NPFFR2: variants seen among roughly 807,000 people sequenced by gnomAD.
NPFFR2 encodes neuropeptide FF receptor 2.
Under a neutral mutation model 13.1 loss-of-function variants are expected in NPFFR2, and 15 were observed. That is an observed-to-expected ratio of 1.15 (90% CI 0.77 to 1.76). NPFFR2 has a LOEUF of 1.76. Among genes scored for constraint, NPFFR2 ranks in the 40% most tolerant of loss-of-function variants. The probability of loss-of-function intolerance (pLI) is 0.00; values close to 1 mark genes in which losing one functional copy is unlikely to be tolerated. For missense variants in NPFFR2, 572 were observed against 503.5 expected (o/e 1.14, Z -1.30); for synonymous variants, 190 against 175.7 (o/e 1.08, Z -0.65).
At chr4:72,045,871 A>G (rs888793363) in intron 1 of NPFFR2, among the ~76,000 whole-genome samples, 1 of 152,170 alleles carries the variant, frequency 6.6e-6, no homozygotes, top group Non-Finnish European at 1.5e-5. Context: ...AACTGTGTGT[A>G]TTGATGGTGC....
intron 1 of NPFFR2, among the ~76,000 whole-genome samples, chr4:72,067,940 A>G (rs143125105): frequency 1.6e-4 from 24 of 152,318 alleles, no homozygotes; most frequent in Admixed American, 3.3e-4. Flanking sequence ...GGGAAGAATG[A>G]ACCTTTCCCT....
intron 1 of NPFFR2, among the ~76,000 whole-genome samples, chr4:72,060,062 A>G (rs1445278043): frequency 6.6e-6 from 1 of 152,088 alleles, no homozygotes; most frequent in East Asian, 1.9e-4. Context: ...TATTAAAGAG[A>G]TTTTATGTCT....
At chr4:72,127,572 C>T in intron 1 of NPFFR2, among the ~76,000 whole-genome samples, 2 of 148,136 alleles carry the variant, frequency 1.4e-5, no homozygotes, top group African/African-American at 5.0e-5. Flanking sequence ...ACCGTGTTAG[C>T]CAGGATGGTC....
Position 72,038,901 on chromosome 4 carries a change from C to CTTTTTTTTTTTTTTTTTTT in NPFFR2, c.-8+6704_-8+6705insTTTTTTTTTTTTTTTTTTT, listed in dbSNP as rs34623356. Among the ~76,000 whole-genome samples the CTTTTTTTTTTTTTTTTTTT allele has an allele frequency of 8.1e-5, 7 of 86,916 alleles. 2 individuals carry two copies. The highest frequency in any genetic ancestry group is 1.7e-4 in the Admixed American group (1 of 5,828). The allele number at this position is 86,916 out of a possible 152,430, so 57.0% of individuals were successfully genotyped here. On this transcript the variant is annotated intron_variant, in intron 1 of 3. Transcript: ENST00000308744. ...TTTTAATTCTTGATTTTTAAATTTC[C>CTTTTTTTTTTTTTTTTTTT]TTTCTTTTTTTTTTTTTTTTTTTTT...
intron 1 of NPFFR2, among the ~76,000 whole-genome samples, chr4:72,060,365 C>T (rs1719886222): frequency 6.6e-6 from 1 of 152,028 alleles, no homozygotes; most frequent in South Asian, 2.1e-4. Flanking sequence ...CTTTCAATGA[C>T]ACCATCTCCA....
chr4:72,123,997 T>G (rs1375024552), intron 1 of NPFFR2, among the ~76,000 whole-genome samples: 1 of 152,314 alleles, frequency 6.6e-6, no homozygotes, highest in African/African-American at 2.4e-5. Context: ...GATGATATGA[T>G]TGTATATTTA....
At chr4:72,034,881 A>G (rs1235378847) in intron 1 of NPFFR2, among the ~76,000 whole-genome samples, 2 of 152,330 alleles carry the variant, frequency 1.3e-5, no homozygotes, top group East Asian at 3.9e-4. Flanking sequence ...GCTGTTTAGA[A>G]TGGGTCTTGT....
rs149824048 is a variant in NPFFR2 at position 72,110,685 on chromosome 4, A to C, written c.-7-17900A>C. On this transcript the variant is annotated intron_variant, in intron 1 of 3. Coordinates refer to ENST00000308744, the MANE Select transcript of NPFFR2 (RefSeq NM_004885.3). ...TTTATTAGGAATAGCTATTTTGCCTAACATTTGTTCTCAAAAAATAAGAGG... is the reference window on the plus strand; with the variant it reads ...TTTATTAGGAATAGCTATTTTGCCTCACATTTGTTCTCAAAAAATAAGAGG... 3.1e-3 allele frequency among the ~76,000 whole-genome samples: 468 copies of C among 152,104 alleles called. 5 individuals carry two copies. The highest frequency in any genetic ancestry group is 0.011 in the African/African-American group (449 of 41,518).
intron 1 of NPFFR2, among the ~76,000 whole-genome samples, 157 bp from the exon 2 acceptor site, chr4:72,128,428 A>G (rs912472124): frequency 1.3e-5 from 2 of 152,234 alleles, no homozygotes; most frequent in African/African-American, 2.4e-5. Context: ...TCAGTGCCTT[A>G]TTTATAATTC....
At chr4:72,073,154 C>T (rs1344803227) in intron 1 of NPFFR2, among the ~76,000 whole-genome samples, 1 of 151,930 alleles carries the variant, frequency 6.6e-6, no homozygotes, top group Non-Finnish European at 1.5e-5. Context: ...CAACCAAGAA[C>T]TGTGTAACTG....
intron 1 of NPFFR2, among the ~76,000 whole-genome samples, chr4:72,114,587 A>C (rs1721657067): frequency 1.3e-5 from 2 of 152,098 alleles, no homozygotes; most frequent in South Asian, 4.1e-4. Flanking sequence ...ATTTGAGTAC[A>C]ACATGAATAT....
rs575023712 is a variant in NPFFR2 at position 72,135,952 on chromosome 4, T to G, written c.329-2088T>G. 2.6e-5 allele frequency among the ~76,000 whole-genome samples: 4 copies of G among 152,274 alleles called. No homozygotes were observed. In the South Asian group the frequency reaches 8.3e-4, roughly 32 times the overall value. ...TAGGGCATTTGGGATATCCATCACC[T>G]CAAGCATTTATCATTTCTTTATGTT... On this transcript the variant is annotated intron_variant, in intron 2 of 3. Transcript: ENST00000308744.
rs1721198038 is a variant in NPFFR2 at position 72,100,153 on chromosome 4, A to AT, written c.-7-28432_-7-28431insT. Among the ~76,000 whole-genome samples, 3 of 152,202 alleles carry AT rather than the reference A, an allele frequency of 2.0e-5. No individual in the cohort carries two copies. In the South Asian group the frequency reaches 6.2e-4, roughly 31 times the overall value. On this transcript the variant is annotated intron_variant, in intron 1 of 3. Transcript: ENST00000308744. ...AATTATTAATCATTTTTCATTCTAA[A>AT]GATGACTATAAGAAGTACAAGAAAA... is the stretch of plus-strand genomic sequence containing the variant.
At chr4:72,089,888 C>A (rs111817580) in intron 1 of NPFFR2, among the ~76,000 whole-genome samples, 9,487 of 152,086 alleles carry the variant, frequency 0.062, 397 homozygotes, top group Non-Finnish European at 0.095. Flanking sequence ...GCCATGAAGT[C>A]TTTGAATAAG....
At chr4:72,074,974 A>G (rs1720382959) in intron 1 of NPFFR2, among the ~76,000 whole-genome samples, 1 of 152,156 alleles carries the variant, frequency 6.6e-6, no homozygotes, top group Admixed American at 6.6e-5. Context: ...AGACAATATA[A>G]ATATGTTTAT....
At chr4:72,145,965 T>C (rs1578486692) in intron 3 of NPFFR2, among the ~76,000 whole-genome samples, 1 of 152,286 alleles carries the variant, frequency 6.6e-6, no homozygotes, top group East Asian at 1.9e-4. Context: ...AAAATCATAG[T>C]AAAATGAATC....
At chr4:72,040,153 T>G (rs2109754430) in intron 1 of NPFFR2, among the ~76,000 whole-genome samples, 1 of 152,314 alleles carries the variant, frequency 6.6e-6, no homozygotes, top group East Asian at 1.9e-4. Flanking sequence ...CATGCACATT[T>G]AAAATATTTG....
At chr4:72,062,834 A>G (rs1470759358) in intron 1 of NPFFR2, among the ~76,000 whole-genome samples, 2 of 152,312 alleles carry the variant, frequency 1.3e-5, no homozygotes, top group Non-Finnish European at 2.9e-5. Flanking sequence ...CAGATGTGTG[A>G]GAGAGGCCAG....
chr4:72,059,292 A>C (rs1719852833), intron 1 of NPFFR2, among the ~76,000 whole-genome samples: 1 of 152,088 alleles, frequency 6.6e-6, no homozygotes, highest in Non-Finnish European at 1.5e-5. Flanking sequence ...ATAGTTTCAC[A>C]TAGCGCTGAG....
Sources: allele counts gnomAD v4.1 joint callset (sites outside exome capture counted in the v4.1 genomes callset), GRCh38; gene constraint gnomAD v4.1.1; transcripts MANE v1.5; gene names NCBI Gene and HGNC (gene_info 2026-07-23, HGNC 2026-07-21).